The following TELO2 variants were observed in gnomAD, a reference collection of about 807,000 sequenced individuals.
TELO2 encodes telomere maintenance 2, also known as telomere length regulation protein TEL2 homolog.
Under a neutral mutation model 91.0 loss-of-function variants are expected in TELO2, and 71 were observed. That is an observed-to-expected ratio of 0.78 (90% CI 0.64 to 0.95). TELO2 has a LOEUF of 0.95. Among genes scored for constraint, TELO2 ranks in the 40% least tolerant of loss-of-function variants. The pLI is 0.00. For synonymous variants in TELO2, 584 were observed against 518.9 expected (o/e 1.13, Z -1.71); for missense variants, 1,183 against 1,141.3 (o/e 1.04, Z -0.53).
chr16:1,506,785 G>A, intron 17 of TELO2, 167 bp from the exon 18 acceptor site: 1 of 1,416,632 alleles, frequency 7.1e-7, no homozygotes, highest in Admixed American at 2.9e-5. Context: ...CCTGCAGGGG[G>A]AGTAGGCACC....
intron 15 of TELO2, among the ~76,000 whole-genome samples, chr16:1,503,870 G>A (rs938834828): frequency 6.6e-6 from 1 of 151,866 alleles, no homozygotes; most frequent in African/African-American, 2.4e-5. Context: ...GGCGGCTCAT[G>A]CCTGTCATCC....
intron 3 of TELO2, among the ~76,000 whole-genome samples, 168 bp from the exon 4 acceptor site, chr16:1,496,868 G>A (rs576022900): frequency 2.0e-5 from 3 of 152,344 alleles, no homozygotes; most frequent in South Asian, 2.1e-4. Flanking sequence ...CAGGTTCCAC[G>A]CACTCCTGTT....
Position 1,495,483 on chromosome 16 carries a change from G to A in TELO2, c.473G>A (p.Gly158Asp). Residue 158 changes from glycine to aspartate, a missense_variant, in exon 3 of 21, where the codon GGC (glycine) becomes GAC (aspartate). Gly to Asp is a moderately conservative substitution (Grantham distance 94, BLOSUM62 -1). Coordinates refer to ENST00000262319, the MANE Select transcript of TELO2 (RefSeq NM_016111.4). ...GFILLRETLL[G>D]KVVALPDHLG... is the part of the protein sequence containing the mutation. ...ATCCTGCTCCGGGAGACGCTGCTGG[G>A]CAAGGTGGTGGCCCTGCCCGATCAC... 6.2e-7 allele frequency: 1 copy of A among 1,610,744 alleles called. No homozygotes were observed. The highest frequency in any genetic ancestry group is 8.5e-7 in the Non-Finnish European group (1 of 1,179,678).
rs368930181 is a variant in TELO2, at chr16:1,509,912, G to A, written c.2490G>A (p.Arg830=). Residue 830 remains arginine (R), a synonymous_variant, in exon 21 of 21, where the codon AGG becomes AGA. Transcript: ENST00000262319. The part of the protein sequence containing the change: ...ALLLLQRLKN[R]LLPPASP ...TGCTTCTGCAGAGACTCAAGAACAGGCTCCTCCCACCCGCGTCTCCCTAGT... is the reference window on the plus strand; with the variant it reads ...TGCTTCTGCAGAGACTCAAGAACAGACTCCTCCCACCCGCGTCTCCCTAGT... 4.4e-6 allele frequency: 7 copies of A among 1,606,830 alleles called. No homozygotes were observed. The highest frequency in any genetic ancestry group is 5.1e-6 in the Non-Finnish European group (6 of 1,177,322).
chr16:1,499,689 T>C (rs2039608020), intron 6 of TELO2, among the ~76,000 whole-genome samples: 1 of 152,160 alleles, frequency 6.6e-6, no homozygotes, highest in South Asian at 2.1e-4. Context: ...CCCCATGGCC[T>C]GGAGCCCGGA....
In TELO2 at chr16:1,510,087, C is replaced by A. The variant is rs1014084680; in HGVS notation, c.*151C>A. 2.3e-4 allele frequency: 151 copies of A among 653,832 alleles called. No homozygotes were observed. The highest frequency in any genetic ancestry group is 1.3e-4 in the Non-Finnish European group (49 of 383,388). The allele number at this position is 653,832 out of a possible 1,614,324, so 40.5% of individuals were successfully genotyped here. A position where few individuals can be genotyped will look rare whatever the true frequency, so the allele number is the denominator to read the frequency against. On this transcript the variant is annotated 3_prime_UTR_variant, in exon 21 of 21. Transcript: ENST00000262319. ...GCAGATGCAGGAAGGCCCGGCCTGC[C>A]GCTATTTATAGTGCAGCCAGTCCGC... is the stretch of plus-strand genomic sequence containing the variant.
rs949203353 is a variant in TELO2 at position 1,494,931 on chromosome 16, C to T, written c.335+315C>T. On this transcript the variant is annotated intron_variant, in intron 2 of 20. Transcript: ENST00000262319. This position sits in a 1 kb window ranked among gnomAD's most constrained non-coding sequence, Gnocchi z 5.6. ...ACGTTCCAGGTTTTCCAGGGAAGCACAGCTGTCATCACTGACACGTGTCCC... is the reference window on the plus strand; with the variant it reads ...ACGTTCCAGGTTTTCCAGGGAAGCATAGCTGTCATCACTGACACGTGTCCC... Among the ~76,000 whole-genome samples, 1 of 152,210 alleles carries T rather than the reference C, an allele frequency of 6.6e-6. No homozygotes were observed. The highest frequency in any genetic ancestry group is 1.5e-5 in the Non-Finnish European group (1 of 68,036).
intron 14 of TELO2, 56 bp from the exon 15 acceptor site, chr16:1,502,875 C>T (rs2294603): frequency 4.4e-6 from 7 of 1,604,410 alleles, no homozygotes; most frequent in South Asian, 1.1e-5. Flanking sequence ...GCCCGGAGGT[C>T]GCCCCGGGTG....
In TELO2 at chr16:1,510,072, G is replaced by A; in HGVS notation, c.*136G>A. On this transcript the variant is annotated 3_prime_UTR_variant, in exon 21 of 21. Transcript: ENST00000262319. ...TCCGGTACGGAGAGTGCAGATGCAGGAAGGCCCGGCCTGCCGCTATTTATA... is the reference window on the plus strand; with the variant it reads ...TCCGGTACGGAGAGTGCAGATGCAGAAAGGCCCGGCCTGCCGCTATTTATA... The A allele has an allele frequency of 1.4e-6, 1 of 713,036 alleles. No individual in the cohort carries two copies. Among genetic ancestry groups the A allele is most frequent in the South Asian group, 1.8e-5 (1 of 54,892 alleles). 44.2% of individuals were successfully genotyped at this position (713,036 alleles called of 1,614,324 possible).
In TELO2 at chr16:1,503,072, T is replaced by C. The variant is rs1274028073; in HGVS notation, c.1842+70T>C. On this transcript the variant is annotated intron_variant, in intron 15 of 20. Transcript: ENST00000262319. ...GCCCTAAGGTGGGGCTGCCAAAACC[T>C]GGGTCTCCTTGTTGCTGGGCCCCAA... The C allele has an allele frequency of 1.9e-6, 3 of 1,555,258 alleles. No individual in the cohort carries two copies. In the African/African-American group the frequency reaches 4.1e-5, roughly 21 times the overall value.
At position 1,510,117 on chromosome 16, in the gene TELO2, A is replaced by G; in HGVS notation, c.*181A>G. On this transcript the variant is annotated 3_prime_UTR_variant, in exon 21 of 21. Transcript: ENST00000262319. ...TTTATAGTGCAGCCAGTCCGCTAAA[A>G]ATACACTGGGCCTGGGCACTGCCCG... The G allele has an allele frequency of 1.7e-6, 1 of 601,882 alleles. No individual in the cohort carries two copies. Among genetic ancestry groups the G allele is most frequent in the Non-Finnish European group, 2.9e-6 (1 of 341,472 alleles). The allele number at this position is 601,882 out of a possible 1,614,324, so 37.3% of individuals were successfully genotyped here. A position where few individuals can be genotyped will look rare whatever the true frequency, so the allele number is the denominator to read the frequency against.
chr16:1,507,115 CCTCACCTGCG>C (rs1349393279), intron 18 of TELO2, 64 bp downstream of exon 18: 2 of 1,529,778 alleles, frequency 1.3e-6, no homozygotes, highest in East Asian at 2.4e-5. Context: ...CGCTCCTCAG[CCTCACCTGCG>C]CCCAGGGATG....
At position 1,506,320 on chromosome 16, in the gene TELO2, G is replaced by A. The variant is rs749527552; in HGVS notation, c.2117G>A (p.Arg706His). Reference protein sequence around the residue: ...AGHFFFPLLQRFDRPLVTFDL... With the variant: ...AGHFFFPLLQHFDRPLVTFDL... ...CACTTCTTCTTCCCCCTCCTTCAGC[G>A]CTTTGACAGGTGAGTGGGTTTTCCG... Residue 706 changes from arginine (R) to histidine (H), a missense_variant, in exon 17 of 21, where the codon CGC (arginine) becomes CAC (histidine). Coordinates refer to ENST00000262319, the MANE Select transcript of TELO2 (RefSeq NM_016111.4). The A allele has an allele frequency of 1.9e-5, 31 of 1,613,930 alleles. No individual in the cohort carries two copies. The highest frequency in any genetic ancestry group is 2.4e-5 in the Non-Finnish European group (28 of 1,180,004).
At chr16:1,508,878 C>T (rs527521380) in intron 20 of TELO2, among the ~76,000 whole-genome samples, 17 of 152,312 alleles carry the variant, frequency 1.1e-4, no homozygotes. Flanking sequence ...TCCCACGGAG[C>T]AGCTGGAGGG....
In TELO2 at chr16:1,503,279, G is replaced by A. The variant is rs1238606699; in HGVS notation, c.1842+277G>A. 4.6e-5 allele frequency among the ~76,000 whole-genome samples: 7 copies of A among 152,248 alleles called. No individual in the cohort carries two copies. The East Asian group carries it at 1.3e-3, about 29-fold the overall frequency. The stretch of plus-strand genomic sequence containing the variant: ...TAAAATGTGTGCTGCGCAGGTGAGG[G>A]AATATTATTTAGCAATGAAAAAGAA... On this transcript the variant is annotated intron_variant, in intron 15 of 20. Transcript: ENST00000262319.
chr16:1,503,941 G>A (rs1359771066), intron 15 of TELO2, among the ~76,000 whole-genome samples: 1 of 151,910 alleles, frequency 6.6e-6, no homozygotes, highest in Non-Finnish European at 1.5e-5. Context: ...AGATCAACCT[G>A]GTCAACATAG....
chr16:1,500,016 C>T, intron 6 of TELO2, 80 bp from the exon 7 acceptor site: 1 of 1,493,436 alleles, frequency 6.7e-7, no homozygotes. Flanking sequence ...CCAGTCCTGG[C>T]ATGGCTCTTG....
intron 15 of TELO2, among the ~76,000 whole-genome samples, chr16:1,504,870 A>C (rs1014223106): frequency 6.7e-6 from 1 of 148,178 alleles, no homozygotes; most frequent in Admixed American, 6.9e-5. Context: ...AGTGTCACGC[A>C]GCCGCCTCTG....
chr16:1,500,254 G>T, intron 7 of TELO2, 90 bp downstream of exon 7: 1 of 1,529,416 alleles, frequency 6.5e-7, no homozygotes. Context: ...GAGGCTGGCT[G>T]GGCTGGGGCG....
Sources: allele counts gnomAD v4.1 joint callset (sites outside exome capture counted in the v4.1 genomes callset), GRCh38; gene constraint gnomAD v4.1.1; non-coding constraint Gnocchi (gnomAD v3.1); transcripts MANE v1.5; gene names NCBI Gene and HGNC (gene_info 2026-07-23, HGNC 2026-07-21).